Variants in ILRUN observed in about 807,000 individuals in gnomAD.
ILRUN encodes inflammation and lipid regulator with UBA-like and NBR1-like domains.
A neutral mutation model predicts 33.8 loss-of-function variants in ILRUN; 3 were observed. The observed-to-expected ratio is 0.09, with a 90% confidence interval of 0.04 to 0.23. The LOEUF is 0.23. Ranked by LOEUF, ILRUN falls within the 10% of genes least tolerant of loss-of-function variation. The probability of loss-of-function intolerance (pLI) is 1.00; values close to 1 mark genes in which losing one functional copy is unlikely to be tolerated. For missense variants in ILRUN, 210 were observed against 375.1 expected (o/e 0.56, Z 3.64); for synonymous variants, 124 against 138.9 (o/e 0.89, Z 0.75).
chr6:34,601,477 A>G (rs1200862482), intron 4 of ILRUN, among the ~76,000 whole-genome samples: 1 of 85,372 alleles, frequency 1.2e-5, no homozygotes, highest in Admixed American at 1.1e-4. Context: ...GTGCCCTCTT[A>G]ATGCCTCACA....
chr6:34,627,747 A>T (rs903508599), intron 3 of ILRUN, among the ~76,000 whole-genome samples: 1 of 140,942 alleles, frequency 7.1e-6, no homozygotes, highest in Non-Finnish European at 1.5e-5. Context: ...CTTGTAGCCC[A>T]GGCTGGAGTG....
intron 3 of ILRUN, among the ~76,000 whole-genome samples, chr6:34,611,794 C>G (rs1761759788): frequency 6.6e-6 from 1 of 152,142 alleles, no homozygotes; most frequent in African/African-American, 2.4e-5. Context: ...GTGATGAGCT[C>G]AAGGTCATAA....
chr6:34,636,398 C>CTA (rs143413462), intron 3 of ILRUN, among the ~76,000 whole-genome samples: 1,874 of 149,608 alleles, frequency 0.013, 44 homozygotes, highest in African/African-American at 0.041. Context: ...AAATAAAAAG[C>CTA]TAAAGAAAGA....
intron 1 of ILRUN, among the ~76,000 whole-genome samples, chr6:34,657,700 G>A (rs952033616): frequency 6.6e-6 from 1 of 152,164 alleles, no homozygotes; most frequent in Admixed American, 6.5e-5. Context: ...GGGGTACACA[G>A]CTTCTCAGAG....
At chr6:34,645,017 G>GCTT (rs779308667) in intron 3 of ILRUN, among the ~76,000 whole-genome samples, 7 of 152,168 alleles carry the variant, frequency 4.6e-5, no homozygotes, top group Non-Finnish European at 7.4e-5. Context: ...ATTACAGTAG[G>GCTT]TACAAAGGCT....
chr6:34,674,833 G>C lies in ILRUN; in HGVS notation c.159-20054C>G, dbSNP rs74513581. On this transcript the variant is annotated intron_variant, in intron 1 of 4. Transcript: ENST00000374023. ...CCCAGCACTTTGGGAGGCCAGGCAG[G>C]AGGATCAGTTGAGCCCAGGAGTTCA... Among the ~76,000 whole-genome samples, 44 of 152,222 alleles carry C rather than the reference G, an allele frequency of 2.9e-4. No homozygotes were observed. In the East Asian group the frequency reaches 7.7e-3, roughly 27 times the overall value.
At chr6:34,683,489 T>TATATATATACATATATATATAC (rs1562033175) in intron 1 of ILRUN, among the ~76,000 whole-genome samples, 2 of 91,208 alleles carry the variant, frequency 2.2e-5, no homozygotes, top group Non-Finnish European at 4.1e-5. Flanking sequence ...TATATATACA[T>TATATATATACATATATATATAC]ATATATATAC....
At chr6:34,610,110 G>C (rs1220419544) in intron 3 of ILRUN, among the ~76,000 whole-genome samples, 1 of 149,624 alleles carries the variant, frequency 6.7e-6, no homozygotes, top group East Asian at 2.0e-4. Context: ...GCAGTGAGCT[G>C]AAATCACGCC....
chr6:34,652,264 A>G (rs945995878), intron 2 of ILRUN, among the ~76,000 whole-genome samples: 14 of 152,236 alleles, frequency 9.2e-5, no homozygotes, highest in African/African-American at 3.4e-4. Context: ...GACTTTGAAC[A>G]AGTAAGAATT....
intron 1 of ILRUN, among the ~76,000 whole-genome samples, chr6:34,670,316 A>G (rs1763091042): frequency 6.6e-6 from 1 of 152,204 alleles, no homozygotes; most frequent in Non-Finnish European, 1.5e-5. Flanking sequence ...TACTGGAGTA[A>G]CGAAAGTGTT....
chr6:34,667,042 G>GA (rs796157321), intron 1 of ILRUN, among the ~76,000 whole-genome samples: 12 of 151,364 alleles, frequency 7.9e-5, no homozygotes, highest in African/African-American at 2.2e-4. Flanking sequence ...GAATATACAT[G>GA]AAAAAAAACT....
At chr6:34,692,948 C>T (rs1763676683) in intron 1 of ILRUN, among the ~76,000 whole-genome samples, 3 of 151,978 alleles carry the variant, frequency 2.0e-5, no homozygotes, top group African/African-American at 2.4e-5. Flanking sequence ...CATGGTGGCA[C>T]GCATCTGTAG....
chr6:34,608,072 A>G (rs1303894438), intron 3 of ILRUN, among the ~76,000 whole-genome samples: 1 of 151,306 alleles, frequency 6.6e-6, no homozygotes, highest in East Asian at 1.9e-4. Context: ...CAGCTCAGGC[A>G]ACACAGCACC....
chr6:34,606,932 T>A (rs768763183), intron 3 of ILRUN, 28 bp from the exon 4 acceptor site: 1 of 1,567,104 alleles, frequency 6.4e-7, no homozygotes. Flanking sequence ...CTCATTTCAA[T>A]GCCAGGCTTA....
At chr6:34,641,357 C>A (rs762768788) in intron 3 of ILRUN, among the ~76,000 whole-genome samples, 4 of 152,104 alleles carry the variant, frequency 2.6e-5, no homozygotes, top group Non-Finnish European at 5.9e-5. Context: ...ATAATCTATT[C>A]TCTTTCTGTT....
At chr6:34,593,996 T>A (rs1761345889) in intron 4 of ILRUN, among the ~76,000 whole-genome samples, 1 of 152,158 alleles carries the variant, frequency 6.6e-6, no homozygotes, top group Non-Finnish European at 1.5e-5. Context: ...CATCCACATT[T>A]CAGATTCCAC....
chr6:34,658,157 T>G (rs947825833), intron 1 of ILRUN, among the ~76,000 whole-genome samples: 1 of 152,048 alleles, frequency 6.6e-6, no homozygotes, highest in African/African-American at 2.4e-5. Context: ...GAGACCAGCC[T>G]GGCCAACGTG....
At chr6:34,659,550 T>C (rs1488515602) in intron 1 of ILRUN, among the ~76,000 whole-genome samples, 3 of 152,064 alleles carry the variant, frequency 2.0e-5, no homozygotes, top group East Asian at 1.9e-4. Context: ...CTTTAAAGAA[T>C]TGATCTTGCA....
At chr6:34,695,713 T>C (rs1412431490) in intron 1 of ILRUN, among the ~76,000 whole-genome samples, 1 of 150,438 alleles carries the variant, frequency 6.6e-6, no homozygotes, top group Non-Finnish European at 1.5e-5. Flanking sequence ...TCATCTCATT[T>C]CCCCCACTTT....
Sources: gnomAD v4.1 joint callset for allele counts (sites outside exome capture counted in the v4.1 genomes callset) on GRCh38, gnomAD v4.1.1 for gene constraint, MANE v1.5 for transcripts, NCBI Gene and HGNC (gene_info 2026-07-23, HGNC 2026-07-21) for gene names.